Variants in SLC25A33 observed in about 807,000 individuals in gnomAD.
SLC25A33 encodes the protein solute carrier family 25 member 33.
In SLC25A33, 15 loss-of-function variants were observed where a neutral mutation model predicts 35.5. The ratio of observed to expected loss-of-function variants is 0.42; its 90% CI spans 0.28 to 0.65. SLC25A33 has a LOEUF of 0.65. SLC25A33 is among the 30% of genes least tolerant of loss of function. The pLI is 0.20. For missense variants in SLC25A33, 257 were observed against 398.5 expected (o/e 0.64, Z 3.02); for synonymous variants, 136 against 148.7 (o/e 0.91, Z 0.62).
chr1:9,580,551 A>G (rs1643727532), intron 6 of SLC25A33, among the ~76,000 whole-genome samples: 1 of 152,202 alleles, frequency 6.6e-6, no homozygotes, highest in African/African-American at 2.4e-5. Context: ...AAATGATAAT[A>G]TGGGAGCCAA....
At chr1:9,577,457 AGAGT>A (rs1286547920) in intron 5 of SLC25A33, among the ~76,000 whole-genome samples, 3 of 152,316 alleles carry the variant, frequency 2.0e-5, no homozygotes, top group African/African-American at 4.8e-5. Context: ...CCTAGGGGAC[AGAGT>A]GAGTAAGACT....
At chr1:9,560,751 C>T (rs900579360) in intron 2 of SLC25A33, among the ~76,000 whole-genome samples, 5 of 143,784 alleles carry the variant, frequency 3.5e-5, no homozygotes, top group African/African-American at 5.4e-5. Flanking sequence ...GAACCTATCT[C>T]GAACCTATCT....
intron 3 of SLC25A33, among the ~76,000 whole-genome samples, chr1:9,568,810 C>T (rs1389263009): frequency 6.6e-6 from 1 of 151,580 alleles, no homozygotes; most frequent in Non-Finnish European, 1.5e-5. Flanking sequence ...GAGATCGCTG[C>T]ACTCCAGCCT....
intron 2 of SLC25A33, among the ~76,000 whole-genome samples, chr1:9,566,264 C>T (rs1643504087): frequency 6.6e-6 from 1 of 152,106 alleles, no homozygotes; most frequent in East Asian, 1.9e-4. Context: ...TGGTCTGGAA[C>T]TCCTGGGTTC....
Position 9,568,581 on chromosome 1 carries a change from G to A in SLC25A33, c.314+1220G>A, listed in dbSNP as rs188322490. Among the ~76,000 whole-genome samples the A allele has an allele frequency of 1.2e-4, 19 of 152,322 alleles. 1 individual carries two copies. In the East Asian group the frequency reaches 3.3e-3, roughly 26 times the overall value. ...AGAAAATGAAGTCTGGCCGGGTGCG[G>A]TGGCTCACGCCTGTAATCCCAGCAC... On this transcript the variant is annotated intron_variant, in intron 3 of 6. Transcript: ENST00000302692.
chr1:9,542,586 C>A (rs1363772460), intron 1 of SLC25A33, among the ~76,000 whole-genome samples: 1 of 152,078 alleles, frequency 6.6e-6, no homozygotes, highest in Non-Finnish European at 1.5e-5. Flanking sequence ...CCACCTAGTC[C>A]GGTGGAATAT....
At chr1:9,580,846 C>G (rs1446239179) in intron 6 of SLC25A33, among the ~76,000 whole-genome samples, 1 of 136,774 alleles carries the variant, frequency 7.3e-6, no homozygotes, top group African/African-American at 3.1e-5. Flanking sequence ...CAGAGCGAGA[C>G]TCTGTCTCAA....
At chr1:9,565,844 T>C (rs1421686236) in intron 2 of SLC25A33, among the ~76,000 whole-genome samples, 3 of 150,870 alleles carry the variant, frequency 2.0e-5, no homozygotes, top group African/African-American at 4.9e-5. Flanking sequence ...CACCACTGCA[T>C]TCCAGCCTGG....
At chr1:9,543,558 T>G (rs1288784118) in intron 1 of SLC25A33, among the ~76,000 whole-genome samples, 1 of 152,182 alleles carries the variant, frequency 6.6e-6, no homozygotes, top group Non-Finnish European at 1.5e-5. Context: ...CCTATAAATT[T>G]GCCCCATCAA....
chr1:9,544,925 T>C (rs1643144924), intron 1 of SLC25A33, among the ~76,000 whole-genome samples: 1 of 152,242 alleles, frequency 6.6e-6, no homozygotes, highest in South Asian at 2.1e-4. Context: ...AGCACAATTC[T>C]GTGTGCATAA....
At chr1:9,548,548 C>G (rs1643214122) in intron 1 of SLC25A33, among the ~76,000 whole-genome samples, 1 of 152,200 alleles carries the variant, frequency 6.6e-6, no homozygotes, top group South Asian at 2.1e-4. Context: ...CGCTGCTGCA[C>G]TCCAGCCTGG....
In SLC25A33 at chr1:9,570,264, A is replaced by C; in HGVS notation, c.321A>C (p.Val107=). The C allele has an allele frequency of 6.2e-7, 1 of 1,613,478 alleles. No homozygotes were observed. Among genetic ancestry groups the C allele is most frequent in the Non-Finnish European group, 8.5e-7 (1 of 1,179,654 alleles). ...NLVGVAPSRA[V]YFACYSKAKE... is the part of the protein sequence containing the mutation. Reference sequence around the variant, plus strand: ...GTTCTCTTTGTTCTAACAGGGCTGTATACTTTGCATGTTACTCCAAAGCCA... The same window carrying C: ...GTTCTCTTTGTTCTAACAGGGCTGTCTACTTTGCATGTTACTCCAAAGCCA... Residue 107 remains valine (V), a synonymous_variant, in exon 4 of 7, where the codon GTA becomes GTC. Transcript: ENST00000302692.
At chr1:9,543,864 G>A (rs55775764) in intron 1 of SLC25A33, among the ~76,000 whole-genome samples, 1 of 152,168 alleles carries the variant, frequency 6.6e-6, no homozygotes, top group Admixed American at 6.5e-5. Flanking sequence ...CCAGCACTGT[G>A]GGAGGCCGAG....
At chr1:9,577,530 GC>G (rs977782190) in intron 5 of SLC25A33, among the ~76,000 whole-genome samples, 1 of 152,142 alleles carries the variant, frequency 6.6e-6, no homozygotes, top group African/African-American at 2.4e-5. Context: ...GTTCTGGGGA[GC>G]CGTAAGACAG....
chr1:9,579,543 G>A (rs76338967), intron 5 of SLC25A33, among the ~76,000 whole-genome samples: 91 of 152,324 alleles, frequency 6.0e-4, no homozygotes, highest in African/African-American at 2.1e-3. Flanking sequence ...TACAGAGTAA[G>A]GGGCGTGGAG....
chr1:9,567,701 C>T (rs1411337400), intron 3 of SLC25A33, among the ~76,000 whole-genome samples: 2 of 152,210 alleles, frequency 1.3e-5, no homozygotes, highest in African/African-American at 4.8e-5. Flanking sequence ...TCCCAGGGCA[C>T]ATCCCAGACC....
chr1:9,557,905 A>G (rs2100386142), intron 2 of SLC25A33, among the ~76,000 whole-genome samples: 1 of 152,328 alleles, frequency 6.6e-6, no homozygotes, highest in East Asian at 1.9e-4. Context: ...CCTGTGTCAA[A>G]AAAAAGAAAG....
rs754918928 is a variant in SLC25A33 at position 9,567,403 on chromosome 1, G to A, written c.314+42G>A. 12 of 1,556,592 alleles carry A rather than the reference G, an allele frequency of 7.7e-6. No individual in the cohort carries two copies. In the East Asian group the frequency reaches 2.7e-4, roughly 35 times the overall value. Reference sequence around the variant, plus strand: ...CCAGCTAGCTCATGCTAAGCAGTATGGAATTCTGGGTCCTTTCTTACCAAA... The same window carrying A: ...CCAGCTAGCTCATGCTAAGCAGTATAGAATTCTGGGTCCTTTCTTACCAAA... On this transcript the variant is annotated intron_variant, in intron 3 of 6. Coordinates refer to ENST00000302692, the MANE Select transcript of SLC25A33 (RefSeq NM_032315.3).
intron 1 of SLC25A33, among the ~76,000 whole-genome samples, chr1:9,540,555 A>G (rs1436222121): frequency 6.6e-6 from 1 of 151,936 alleles, no homozygotes; most frequent in African/African-American, 2.4e-5. Context: ...TAGAAGGTAA[A>G]ATATTTTTGA....
Sources: allele counts gnomAD v4.1 joint callset (sites outside exome capture counted in the v4.1 genomes callset), GRCh38; gene constraint gnomAD v4.1.1; transcripts MANE v1.5; gene names NCBI Gene and HGNC (gene_info 2026-07-23, HGNC 2026-07-21).